The following RIMKLB variants were observed in gnomAD, a reference collection of about 807,000 sequenced individuals.
RIMKLB encodes beta-citrylglutamate synthase B.
Under a neutral mutation model 32.0 loss-of-function variants are expected in RIMKLB, and 7 were observed. The ratio of observed to expected loss-of-function variants is 0.22; its 90% CI spans 0.12 to 0.41. The LOEUF (loss-of-function observed/expected upper bound fraction) is 0.41. RIMKLB is among the 10% of genes least tolerant of loss of function. The pLI, the probability that RIMKLB is intolerant of heterozygous loss-of-function variation, is 1.00. For missense variants in RIMKLB, 289 were observed against 498.7 expected, an observed-to-expected ratio of 0.58 and a Z score of 4.00; for synonymous variants, 172 against 185.1, an observed-to-expected ratio of 0.93 and a Z score of 0.57.
intron 2 of RIMKLB, among the ~76,000 whole-genome samples, chr12:8,723,687 TAAAAAA>T (rs202027895): frequency 6.6e-6 from 1 of 151,042 alleles, no homozygotes; most frequent in Non-Finnish European, 1.5e-5. Flanking sequence ...TTAGGGAACT[TAAAAAA>T]AAATAAACTG....
chr12:8,713,744 G>A, intron 1 of RIMKLB, 67 bp from the exon 2 acceptor site: 3 of 931,814 alleles, frequency 3.2e-6, no homozygotes, highest in Admixed American at 2.1e-5. Context: ...GCATTTATTT[G>A]TATGAAATCC....
upstream of RIMKLB, among the ~76,000 whole-genome samples, chr12:8,679,987 G>T (rs150281064): frequency 5.3e-3 from 811 of 152,262 alleles, 6 homozygotes; most frequent in African/African-American, 0.018. Context: ...GATAAAACAG[G>T]TTGCAGTAAA....
At chr12:8,734,481 T>C (rs1372862523) in intron 2 of RIMKLB, among the ~76,000 whole-genome samples, 1 of 152,234 alleles carries the variant, frequency 6.6e-6, no homozygotes, top group African/African-American at 2.4e-5. Flanking sequence ...CCTTAATACC[T>C]TTATTATGTA....
intron 1 of RIMKLB, among the ~76,000 whole-genome samples, chr12:8,700,780 AT>A (rs1237342302): frequency 1.3e-5 from 2 of 152,296 alleles, no homozygotes; most frequent in Non-Finnish European, 2.9e-5. Context: ...AATTGTAATT[AT>A]GTGGCCTGGC....
At chr12:8,717,131 T>TTA (rs1944945147) in intron 2 of RIMKLB, among the ~76,000 whole-genome samples, 2 of 151,766 alleles carry the variant, frequency 1.3e-5, no homozygotes, top group South Asian at 4.2e-4. Context: ...GGAGGTGATA[T>TTA]TACCATTATG....
At chr12:8,672,977 G>C in the RIMKLB span, among the ~76,000 whole-genome samples, 2 of 152,116 alleles carry the variant, frequency 1.3e-5, no homozygotes, top group Admixed American at 6.6e-5. Context: ...CACCTCCCGG[G>C]TTCAAGAGAT....
At chr12:8,768,684 C>T (rs1034182078) in intron 5 of RIMKLB, among the ~76,000 whole-genome samples, 1 of 152,056 alleles carries the variant, frequency 6.6e-6, no homozygotes, top group African/African-American at 2.4e-5. Flanking sequence ...GTTCCTTTTG[C>T]AGTAATAGCT....
At chr12:8,714,157 C>G in intron 2 of RIMKLB, 116 bp downstream of exon 2, 1 of 747,306 alleles carries the variant, frequency 1.3e-6, no homozygotes, top group Admixed American at 2.7e-5. Context: ...TAAGTATCTT[C>G]TAATTATAAG....
intron 3 of RIMKLB, 33 bp from the exon 4 acceptor site, chr12:8,751,924 G>A (rs778013295): frequency 2.9e-6 from 4 of 1,359,314 alleles, no homozygotes; most frequent in Non-Finnish European, 2.1e-6. Flanking sequence ...TTCTGCTGCT[G>A]TTTGTCTTAA....
intron 2 of RIMKLB, among the ~76,000 whole-genome samples, chr12:8,718,813 A>G (rs936459980): frequency 1.3e-5 from 2 of 152,024 alleles, no homozygotes; most frequent in Non-Finnish European, 2.9e-5. Flanking sequence ...TCTTTGCCCC[A>G]TTTTGAACAT....
rs183546843 is a variant in RIMKLB at position 8,719,306 on chromosome 12, A to G, written c.175+5265A>G. 3.0e-3 allele frequency among the ~76,000 whole-genome samples: 463 copies of G among 152,288 alleles called. 4 individuals carry two copies. Among genetic ancestry groups the G allele is most frequent in the African/African-American group, 0.01 (436 of 41,560 alleles). On this transcript the variant is annotated intron_variant, in intron 2 of 5. Transcript: ENST00000535829. ...ACTGTAGTTTATTTATTCAACTGCT[A>G]AAAGACACCTTGCTTCTAATTCTAA... is the stretch of plus-strand genomic sequence containing the variant.
chr12:8,718,667 ATATGTGTGTGTGTGTGTGTG>A (rs1245898911), intron 2 of RIMKLB, among the ~76,000 whole-genome samples: 21 of 132,732 alleles, frequency 1.6e-4, no homozygotes, highest in Middle Eastern at 3.8e-3. Context: ...ATATATATAT[ATATGTGTGTGTGTGTGTGTG>A]TGTGTGTGTG....
rs182704704 is a variant in RIMKLB, at chr12:8,718,569, G to A, written c.175+4528G>A. On this transcript the variant is annotated intron_variant, in intron 2 of 5. Transcript: ENST00000535829. Reference sequence around the variant, plus strand: ...GAGTCAGGAGAATCGATTGAACCCCGGAGGTGGAGGTTGCAGTGAGCTGAG... The same window carrying A: ...GAGTCAGGAGAATCGATTGAACCCCAGAGGTGGAGGTTGCAGTGAGCTGAG... 4.6e-5 allele frequency among the ~76,000 whole-genome samples: 7 copies of A among 152,214 alleles called. No individual in the cohort carries two copies. The South Asian group carries it at 6.2e-4, about 14-fold the overall frequency.
At chr12:8,711,505 T>G (rs1318747225) in intron 1 of RIMKLB, among the ~76,000 whole-genome samples, 1 of 152,052 alleles carries the variant, frequency 6.6e-6, no homozygotes, top group African/African-American at 2.4e-5. Context: ...AGTCTTTTAA[T>G]CACTACTGAT....
rs759625868 is a variant in RIMKLB at position 8,774,259 on chromosome 12, T to C, written c.*475T>C. The C allele has an allele frequency of 1.1e-3, 1,036 of 979,106 alleles. 8 individuals are homozygous for C. The African/African-American group carries it at 0.017, about 16-fold the overall frequency. 60.7% of individuals were successfully genotyped at this position (979,106 alleles called of 1,614,324 possible). A position where few individuals can be genotyped will look rare whatever the true frequency, so the allele number is the denominator to read the frequency against. ...ATACAGCTCTGAAAATTCTGCCATT[T>C]CCTTATTAACTAGCAGCTTTAGTTT... On this transcript the variant is annotated 3_prime_UTR_variant, in exon 6 of 6. Coordinates refer to ENST00000535829, the MANE Select transcript of RIMKLB (RefSeq NM_001297776.2).
chr12:8,738,636 A>C (rs980497043), intron 2 of RIMKLB, among the ~76,000 whole-genome samples: 2 of 152,192 alleles, frequency 1.3e-5, no homozygotes, highest in East Asian at 3.8e-4. Context: ...CGATTGCAAA[A>C]ATGTATTTAG....
upstream of RIMKLB, among the ~76,000 whole-genome samples, chr12:8,678,173 TA>T (rs201764837): frequency 3.4e-4 from 51 of 151,508 alleles, no homozygotes; most frequent in African/African-American, 8.5e-4. Flanking sequence ...TTTTTTTAAT[TA>T]AAAATTTTTT....
intron 5 of RIMKLB, among the ~76,000 whole-genome samples, chr12:8,771,846 A>G (rs1009061780): frequency 2.0e-5 from 3 of 151,622 alleles, no homozygotes; most frequent in Admixed American, 1.3e-4. Context: ...TCTGAGGAAT[A>G]TTTTTCTGAT....
intron 4 of RIMKLB, among the ~76,000 whole-genome samples, chr12:8,753,664 A>T (rs1397410763): frequency 6.6e-6 from 1 of 152,216 alleles, no homozygotes; most frequent in Non-Finnish European, 1.5e-5. Flanking sequence ...AATAAATTTT[A>T]GTTTGTCATG....
Sources: gnomAD v4.1 joint callset for allele counts (sites outside exome capture counted in the v4.1 genomes callset) on GRCh38, gnomAD v4.1.1 for gene constraint, MANE v1.5 for transcripts, NCBI Gene and HGNC (gene_info 2026-07-23, HGNC 2026-07-21) for gene names.